SEMA3D: variants seen among roughly 807,000 people sequenced by gnomAD.
SEMA3D encodes the protein semaphorin 3D, also known as semaphorin-3D.
In SEMA3D, 84 loss-of-function variants were observed where a neutral mutation model predicts 100.1. That is an observed-to-expected ratio of 0.84 (90% CI 0.70 to 1.01). The LOEUF (loss-of-function observed/expected upper bound fraction) is 1.01. SEMA3D is among the 50% of genes least tolerant of loss of function. SEMA3D has a pLI of 0.00. For synonymous variants in SEMA3D, 312 were observed against 320.7 expected (o/e 0.97, Z 0.29); for missense variants, 875 against 934.1 (o/e 0.94, Z 0.82).
upstream of SEMA3D, among the ~76,000 whole-genome samples, chr7:85,189,516 G>A (rs768183216): frequency 6.6e-6 from 1 of 152,136 alleles, no homozygotes; most frequent in Non-Finnish European, 1.5e-5. Flanking sequence ...AATACAAGGT[G>A]TATTGTGCAG....
rs900658400 is a variant in SEMA3D, at chr7:85,141,336, C to G, written c.-41+12272G>C. 8 of 984,458 alleles carry G rather than the reference C, an allele frequency of 8.1e-6. No homozygotes were observed. In the African/African-American group the frequency reaches 1.4e-4, roughly 17 times the overall value. 61.0% of individuals were successfully genotyped at this position (984,458 alleles called of 1,614,324 possible). ...AAAAACTTAATAATTTATTTCAAAA[C>G]CATATGTCAACTAACTGCACAGTAT... On this transcript the variant is annotated intron_variant, in intron 2 of 18. Coordinates refer to ENST00000284136, the MANE Select transcript of SEMA3D (RefSeq NM_001384900.1).
chr7:85,020,755 T>C lies in SEMA3D; in HGVS notation c.1415-434A>G, dbSNP rs550373031. On this transcript the variant is annotated intron_variant, in intron 13 of 18. Transcript: ENST00000284136. ...TATCCAATTCACCATGAAAGACAGATATATATTCTTTTAATAATGTTGTCA... is the reference window on the plus strand; with the variant it reads ...TATCCAATTCACCATGAAAGACAGACATATATTCTTTTAATAATGTTGTCA... Among the ~76,000 whole-genome samples the C allele has an allele frequency of 1.2e-3, 182 of 151,678 alleles. 1 individual carries two copies. The South Asian group carries it at 0.036, about 30-fold the overall frequency.
chr7:85,236,417 C>T, the SEMA3D span, among the ~76,000 whole-genome samples: 4 of 151,566 alleles, frequency 2.6e-5, no homozygotes, highest in South Asian at 4.2e-4. Context: ...AAGCAATGCT[C>T]CTGTCTCAGC....
chr7:85,094,672 G>A (rs2116300010), intron 4 of SEMA3D, among the ~76,000 whole-genome samples: 1 of 151,992 alleles, frequency 6.6e-6, no homozygotes, highest in East Asian at 1.9e-4. Flanking sequence ...CTCTTACAAT[G>A]TGATCACTTC....
chr7:85,184,910 G>A (rs1791499901), intron 1 of SEMA3D, among the ~76,000 whole-genome samples: 1 of 152,166 alleles, frequency 6.6e-6, no homozygotes, highest in Non-Finnish European at 1.5e-5. Flanking sequence ...TAAAGCAGTG[G>A]CCAGCTGGGG....
intron 4 of SEMA3D, among the ~76,000 whole-genome samples, chr7:85,086,749 A>G (rs912167927): frequency 2.0e-5 from 3 of 151,772 alleles, no homozygotes; most frequent in African/African-American, 4.8e-5. Context: ...AGAGATGTCA[A>G]CTATAGGGTC....
intron 2 of SEMA3D, among the ~76,000 whole-genome samples, chr7:85,147,907 A>C (rs915031176): frequency 6.6e-6 from 1 of 152,108 alleles, no homozygotes; most frequent in Non-Finnish European, 1.5e-5. Context: ...GCAGTCTTTC[A>C]ACTGGGAGTG....
intron 1 of SEMA3D, among the ~76,000 whole-genome samples, chr7:85,163,634 C>A (rs886426704): frequency 2.2e-4 from 34 of 152,170 alleles, no homozygotes; most frequent in African/African-American, 7.9e-4. Flanking sequence ...TGATCCAAGA[C>A]AATTTACTAT....
chr7:85,082,644 T>C (rs1788098456), intron 4 of SEMA3D, among the ~76,000 whole-genome samples: 1 of 152,210 alleles, frequency 6.6e-6, no homozygotes, highest in Non-Finnish European at 1.5e-5. Flanking sequence ...GAAAGAGACT[T>C]GTTAAACCTG....
At chr7:85,039,529 G>A (rs1711647971) in intron 11 of SEMA3D, among the ~76,000 whole-genome samples, 1 of 152,158 alleles carries the variant, frequency 6.6e-6, no homozygotes, top group South Asian at 2.1e-4. Context: ...AAAGTACTGG[G>A]ATTTACAGGC....
chr7:85,081,743 C>G (rs939151357), intron 4 of SEMA3D, among the ~76,000 whole-genome samples, 164 bp from the exon 5 acceptor site: 2 of 152,184 alleles, frequency 1.3e-5, no homozygotes, highest in South Asian at 2.1e-4. Context: ...CAAAGCCACC[C>G]TGAAAGTTTC....
the SEMA3D span, among the ~76,000 whole-genome samples, chr7:85,241,210 G>T: frequency 6.6e-6 from 1 of 151,610 alleles, no homozygotes; most frequent in Non-Finnish European, 1.5e-5. Flanking sequence ...ACATCTATAC[G>T]GCTAGTGGGA....
At chr7:85,212,173 C>G in the SEMA3D span, among the ~76,000 whole-genome samples, 1 of 150,530 alleles carries the variant, frequency 6.6e-6, no homozygotes, top group Non-Finnish European at 1.5e-5. Context: ...TTTAGCAAGG[C>G]CTGTTTGTTC....
chr7:85,058,444 A>G (rs1182511278), intron 8 of SEMA3D, among the ~76,000 whole-genome samples: 1 of 151,938 alleles, frequency 6.6e-6, no homozygotes, highest in Non-Finnish European at 1.5e-5. Context: ...TTTTTTATTT[A>G]AACATGTTTT....
intron 8 of SEMA3D, among the ~76,000 whole-genome samples, chr7:85,064,358 A>T (rs1429247001): frequency 6.6e-6 from 1 of 152,250 alleles, no homozygotes; most frequent in African/African-American, 2.4e-5. Context: ...GTGTTAAGAA[A>T]TTAATGGGTA....
intron 12 of SEMA3D, among the ~76,000 whole-genome samples, chr7:85,024,749 C>G (rs953190307): frequency 1.3e-5 from 2 of 151,954 alleles, no homozygotes; most frequent in Admixed American, 6.6e-5. Flanking sequence ...TATGCTTGCA[C>G]AAATGAAAAT....
intron 2 of SEMA3D, among the ~76,000 whole-genome samples, 173 bp from the exon 3 acceptor site, chr7:85,122,104 G>T (rs1442336519): frequency 6.6e-5 from 10 of 151,902 alleles, no homozygotes; most frequent in Admixed American, 1.3e-4. Flanking sequence ...GGGGCTGGGG[G>T]AGGGAGAGCA....
rs534806563 is a variant in SEMA3D, at chr7:85,042,013, C to A, written c.976+158G>T. 5.8e-5 allele frequency: 37 copies of A among 634,270 alleles called. No individual in the cohort carries two copies. In the African/African-American group the frequency reaches 6.7e-4, roughly 11 times the overall value. The allele number at this position is 634,270 out of a possible 1,614,324, so 39.3% of individuals were successfully genotyped here. ...ATGACGTGTGCCCAGACCTAGAGCA[C>A]TTCCGTGTACTTTGCGTGTGAATTT... is the stretch of plus-strand genomic sequence containing the variant. On this transcript the variant is annotated intron_variant, in intron 10 of 18. Coordinates refer to ENST00000284136, the MANE Select transcript of SEMA3D (RefSeq NM_001384900.1).
chr7:85,068,575 G>A (rs1211760210), intron 6 of SEMA3D, among the ~76,000 whole-genome samples: 2 of 151,966 alleles, frequency 1.3e-5, no homozygotes, highest in African/African-American at 2.4e-5. Flanking sequence ...TATCAATATC[G>A]AAATCACCAC....
Sources: gnomAD v4.1 joint callset for allele counts (sites outside exome capture counted in the v4.1 genomes callset) on GRCh38, gnomAD v4.1.1 for gene constraint, MANE v1.5 for transcripts, NCBI Gene and HGNC (gene_info 2026-07-23, HGNC 2026-07-21) for gene names.